Variants in ANKRD35 observed in about 807,000 individuals in gnomAD.
ANKRD35 encodes the protein ankyrin repeat domain-containing protein 35.
ANKRD35 carries 102 observed loss-of-function variants against 109.9 expected under a neutral mutation model. That is an observed-to-expected ratio of 0.93 (90% CI 0.79 to 1.09). The LOEUF (loss-of-function observed/expected upper bound fraction) is 1.09, where lower values mean the gene tolerates loss of function less well. ANKRD35 is among the 50% of genes least tolerant of loss of function. The pLI is 0.00. For missense variants in ANKRD35, 1,240 were observed against 1,230.1 expected (o/e 1.01, Z -0.12); for synonymous variants, 515 against 512.4 (o/e 1.01, Z -0.07).
Position 145,876,630 on chromosome 1 carries a change from C to A in ANKRD35, c.392G>T (p.Gly131Val). 1 of 1,614,152 alleles carries A rather than the reference C, an allele frequency of 6.2e-7. No individual in the cohort carries two copies. Among genetic ancestry groups the A allele is most frequent in the South Asian group, 1.1e-5 (1 of 91,076 alleles). Residue 131 changes from glycine (G) to valine (V), a missense_variant, in exon 6 of 14, where the codon GGC (glycine) becomes GTC (valine). Physicochemically the swap from Gly to Val is moderately radical, Grantham distance 109 (BLOSUM62 -3). Transcript: ENST00000355594. ...CAGCAGGAGCACACTTGAGGCACAG[C>A]CAGAGGAGGCTGGGGAGAAGATGTT... The part of the protein sequence containing the change: ...RSPLHWAASS[G>V]CASSVLLLCD...
chr1:145,882,037 C>A (rs1654309862), intron 1 of ANKRD35, among the ~76,000 whole-genome samples: 1 of 148,284 alleles, frequency 6.7e-6, no homozygotes, highest in South Asian at 2.1e-4. Context: ...TCACTGCAAC[C>A]TCCACCTCCC....
At chr1:145,878,332 C>T (rs372301841) in intron 3 of ANKRD35, 59 bp downstream of exon 3, 46 of 1,500,760 alleles carry the variant, frequency 3.1e-5, no homozygotes, top group Middle Eastern at 1.9e-4. Context: ...GCACCGCCCC[C>T]GACTGCTGCT....
rs1019198138 is a variant in ANKRD35, at chr1:145,875,018, G to C, written c.561-12C>G. On this transcript the variant is annotated splice_polypyrimidine_tract_variant and intron_variant, in intron 7 of 13. Coordinates refer to ENST00000355594, the MANE Select transcript of ANKRD35 (RefSeq NM_144698.5). ...GGATCAAAGCCGATCTGTGGGTTGA[G>C]ACAAATCTGAGCACAGACTTTCCAC... The C allele has an allele frequency of 2.5e-6, 4 of 1,583,656 alleles. No homozygotes were observed. The highest frequency in any genetic ancestry group is 1.2e-5 in the South Asian group (1 of 86,140).
chr1:145,883,332 G>A (rs987786557), intron 1 of ANKRD35, among the ~76,000 whole-genome samples: 22 of 152,022 alleles, frequency 1.4e-4, no homozygotes, highest in Non-Finnish European at 2.8e-4. Context: ...TGATCCACCC[G>A]CTTCAGCCTC....
At chr1:145,876,932 A>AC (rs1371518559) in intron 4 of ANKRD35, 59 bp from the exon 5 acceptor site, 1 of 1,572,028 alleles carries the variant, frequency 6.4e-7, no homozygotes, top group Non-Finnish European at 8.7e-7. Context: ...CTCATCCCAT[A>AC]CCCCCATTGG....
Position 145,873,693 on chromosome 1 carries a change from C to G in ANKRD35, c.1076G>C (p.Gly359Ala). 3 of 1,614,132 alleles carry G rather than the reference C, an allele frequency of 1.9e-6. No individual in the cohort carries two copies. Among genetic ancestry groups the G allele is most frequent in the Non-Finnish European group, 2.5e-6 (3 of 1,179,990 alleles). Residue 359 changes from glycine (G) to alanine (A), a missense_variant, in exon 10 of 14, where the codon GGC becomes GCC. Transcript: ENST00000355594. ...SWEPRASGKQ[G>A]SSLRPGGDGM... The stretch of plus-strand genomic sequence containing the variant: ...ATCCCCTCCAGGCCGGAGACTAGAG[C>G]CTTGCTTTCCTGAAGCTCTGGGCTC...
Position 145,872,367 on chromosome 1 carries a change from C to T in ANKRD35, c.2402G>A (p.Ser801Asn), listed in dbSNP as rs1653862250. 6.2e-7 allele frequency: 1 copy of T among 1,612,852 alleles called. No homozygotes were observed. Reference sequence around the variant, plus strand: ...CTTTCCGATCTCCTGGCTCTTCCCGCTCATCGTGGCCTGAACTGCCCGCAG... The same window carrying T: ...CTTTCCGATCTCCTGGCTCTTCCCGTTCATCGTGGCCTGAACTGCCCGCAG... ...EELRAVQATM[S>N]GKSQEIGKLK... is the part of the protein sequence containing the mutation. The change falls in exon 10 of 14, where the codon AGC becomes AAC. Residue 801 changes from serine (S) to asparagine (N), a missense_variant. Physicochemically the swap from Ser to Asn is conservative, Grantham distance 46 (BLOSUM62 1). Transcript: ENST00000355594.
At chr1:145,868,608 G>C (rs1381304464) in intron 10 of ANKRD35, among the ~76,000 whole-genome samples, 1 of 152,144 alleles carries the variant, frequency 6.6e-6, no homozygotes, top group Non-Finnish European at 1.5e-5. Flanking sequence ...ACAAACTTCG[G>C]TGAAACCCTT....
At chr1:145,880,527 A>G (rs1460526367) in intron 1 of ANKRD35, among the ~76,000 whole-genome samples, 1 of 152,236 alleles carries the variant, frequency 6.6e-6, no homozygotes, top group Non-Finnish European at 1.5e-5. Context: ...ACAAGCTAAT[A>G]TATACAAAAT....
In ANKRD35 at chr1:145,873,017, C is replaced by T. The variant is rs1553739193; in HGVS notation, c.1752G>A (p.Lys584=). 4 of 1,610,920 alleles carry T rather than the reference C, an allele frequency of 2.5e-6. No individual in the cohort carries two copies. The South Asian group carries it at 4.4e-5, about 18-fold the overall frequency. Residue 584 remains lysine, a synonymous_variant, in exon 10 of 14, where the codon AAG becomes AAA. Transcript: ENST00000355594. Reference sequence around the variant, plus strand: ...CTTGAGCCCCAGGAACCCTTTTCTCCTTCTCTTCATCCTGTTTGATGCTCC... The same window carrying T: ...CTTGAGCCCCAGGAACCCTTTTCTCTTTCTCTTCATCCTGTTTGATGCTCC... ...APGSIKQDEE[K]EKRVPGAQGE...
chr1:145,881,949 C>CTTTTTTTTTTTTTTTTTTTTTT (rs782253954), intron 1 of ANKRD35, among the ~76,000 whole-genome samples: 2 of 104,636 alleles, frequency 1.9e-5, no homozygotes, highest in Non-Finnish European at 3.8e-5. Context: ...CTTTCCCCTT[C>CTTTTTTTTTTTTTTTTTTTTTT]TTTTTTTTTT....
chr1:145,874,033 G>C (rs1653965666), intron 9 of ANKRD35, 48 bp from the exon 10 acceptor site: 1 of 1,611,262 alleles, frequency 6.2e-7, no homozygotes, highest in Non-Finnish European at 8.5e-7. Context: ...GCAACGAACT[G>C]AGCCCTAGGA....
At position 145,876,128 on chromosome 1, in the gene ANKRD35, A is replaced by C. The variant is rs1553740004; in HGVS notation, c.560+12T>G. 1 of 1,612,688 alleles carries C rather than the reference A, an allele frequency of 6.2e-7. No individual in the cohort carries two copies. Among genetic ancestry groups the C allele is most frequent in the Non-Finnish European group, 8.5e-7 (1 of 1,179,350 alleles). The stretch of plus-strand genomic sequence containing the variant: ...GCATGGGAATTGGGGTGCATAGACG[A>C]GGGGGGCTCACTTGTCATTCTTGTC... On this transcript the variant is annotated intron_variant, in intron 7 of 13. Transcript: ENST00000355594.
At chr1:145,867,257 T>G in intron 13 of ANKRD35, 30 bp downstream of exon 13, 2 of 1,467,990 alleles carry the variant, frequency 1.4e-6, no homozygotes, top group Non-Finnish European at 1.9e-6. Flanking sequence ...CCCAAACTCC[T>G]TCCCTCATCA....
At chr1:145,867,479 A>G in intron 12 of ANKRD35, 87 bp from the exon 13 acceptor site, 1 of 1,160,564 alleles carries the variant, frequency 8.6e-7, no homozygotes, top group Non-Finnish European at 1.3e-6. Flanking sequence ...GGTACAGTGG[A>G]AGGCTATTTA....
At chr1:145,871,353 G>A (rs1230149377) in intron 10 of ANKRD35, among the ~76,000 whole-genome samples, 5 of 151,624 alleles carry the variant, frequency 3.3e-5, no homozygotes, top group East Asian at 1.9e-4. Context: ...AGTGGAGACC[G>A]GGTTTCACCA....
In ANKRD35 at chr1:145,868,000, A is replaced by G. The variant is rs782485479; in HGVS notation, c.2934T>C (p.Asn978=). 3 of 1,614,170 alleles carry G rather than the reference A, an allele frequency of 1.9e-6. No individual in the cohort carries two copies. The highest frequency in any genetic ancestry group is 1.7e-5 in the Admixed American group (1 of 60,030). ...IISTYRNHLL[N]AARGYMEHEV... ...ACTCCACCATGCTCACCCGAGCAGC[A>G]TTCAGTAGATGATTCCTGTAGGTGG... The change falls in exon 12 of 14, where the codon AAT becomes AAC. Residue 978 remains asparagine, a synonymous_variant. Transcript: ENST00000355594.
intron 1 of ANKRD35, among the ~76,000 whole-genome samples, chr1:145,881,336 T>C (rs1654278183): frequency 6.6e-6 from 1 of 152,058 alleles, no homozygotes; most frequent in African/African-American, 2.4e-5. Flanking sequence ...TGCCAAATCC[T>C]AGCTCTCCCC....
chr1:145,883,326 C>G (rs587612738), intron 1 of ANKRD35, among the ~76,000 whole-genome samples: 1 of 152,142 alleles, frequency 6.6e-6, no homozygotes, highest in African/African-American at 2.4e-5. Flanking sequence ...CTCAGGTGAT[C>G]CACCCGCTTC....
Sources: gnomAD v4.1 joint callset for allele counts (sites outside exome capture counted in the v4.1 genomes callset) on GRCh38, gnomAD v4.1.1 for gene constraint, MANE v1.5 for transcripts, NCBI Gene and HGNC (gene_info 2026-07-23, HGNC 2026-07-21) for gene names.